CSMD3: variants seen among roughly 807,000 people sequenced by gnomAD.
CSMD3 encodes CUB and Sushi multiple domains 3.
In CSMD3, 177 loss-of-function variants were observed where a neutral mutation model predicts 435.2. That is an observed-to-expected ratio of 0.41 (90% CI 0.36 to 0.46). The LOEUF is 0.46. Ranked by LOEUF, CSMD3 falls within the 20% of genes least tolerant of loss-of-function variation. CSMD3 has a pLI of 0.34. For synonymous variants in CSMD3, 1,656 were observed against 1,520.5 expected (o/e 1.09, Z -2.07); for missense variants, 4,265 against 4,504.6 (o/e 0.95, Z 1.52).
At chr8:113,205,171 C>T (rs930819628) in intron 3 of CSMD3, among the ~76,000 whole-genome samples, 9 of 152,010 alleles carry the variant, frequency 5.9e-5, no homozygotes, top group African/African-American at 1.2e-4. Context: ...TTAGTAGAGA[C>T]GGGGTTTCAC....
At chr8:112,365,523 C>G (rs1025979277) in intron 38 of CSMD3, among the ~76,000 whole-genome samples, 10 of 119,202 alleles carry the variant, frequency 8.4e-5, no homozygotes, top group African/African-American at 3.2e-4. Context: ...CTTCTTATAA[C>G]ATGTTTGAAT....
intron 38 of CSMD3, among the ~76,000 whole-genome samples, chr8:112,357,929 C>T (rs191320223): frequency 6.2e-4 from 94 of 152,224 alleles, no homozygotes; most frequent in African/African-American, 2.1e-3. Context: ...GAAAAGAAGG[C>T]CACCATCCTC....
intron 11 of CSMD3, among the ~76,000 whole-genome samples, chr8:112,848,302 A>G (rs1024844429): frequency 2.0e-5 from 3 of 152,148 alleles, no homozygotes; most frequent in Non-Finnish European, 2.9e-5. Flanking sequence ...ATTTATTTAT[A>G]AAGCAGTACA....
intron 10 of CSMD3, among the ~76,000 whole-genome samples, chr8:112,897,690 C>CTGTG (rs1278209640): frequency 4.0e-5 from 5 of 125,090 alleles, no homozygotes; most frequent in African/African-American, 1.5e-4. Flanking sequence ...CTCTCTCTCT[C>CTGTG]TCTCTGTGTG....
At chr8:113,280,642 G>A (rs987337769) in intron 2 of CSMD3, among the ~76,000 whole-genome samples, 6 of 151,168 alleles carry the variant, frequency 4.0e-5, no homozygotes, top group Non-Finnish European at 7.4e-5. Context: ...AATTTTTTTT[G>A]TTTCAATTTC....
intron 4 of CSMD3, among the ~76,000 whole-genome samples, chr8:113,106,219 C>T (rs1156753765): frequency 6.6e-6 from 1 of 151,430 alleles, no homozygotes; most frequent in Non-Finnish European, 1.5e-5. Flanking sequence ...ACTATTTAGC[C>T]CTTTTCAGAA....
At chr8:112,548,714 G>C (rs1014492941) in intron 27 of CSMD3, among the ~76,000 whole-genome samples, 1 of 151,940 alleles carries the variant, frequency 6.6e-6, no homozygotes, top group Admixed American at 6.6e-5. Context: ...TTTCAAATCT[G>C]AACACTTGAA....
intron 1 of CSMD3, among the ~76,000 whole-genome samples, chr8:113,335,471 T>G (rs879842377): frequency 2.6e-5 from 4 of 151,226 alleles, no homozygotes; most frequent in Admixed American, 2.0e-4. Flanking sequence ...TTGTTTTGTT[T>G]TCAGATGTTC....
intron 50 of CSMD3, among the ~76,000 whole-genome samples, chr8:112,308,700 G>A (rs1222049593): frequency 2.0e-5 from 3 of 151,942 alleles, no homozygotes; most frequent in East Asian, 1.9e-4. Flanking sequence ...TTTTGAGGGG[G>A]GGATCAATAG....
chr8:113,034,045 C>T (rs1277788444), intron 5 of CSMD3, among the ~76,000 whole-genome samples: 1 of 151,470 alleles, frequency 6.6e-6, no homozygotes, highest in Non-Finnish European at 1.5e-5. Context: ...TCTATGTTTC[C>T]TGAGCCCCAT....
intron 32 of CSMD3, among the ~76,000 whole-genome samples, chr8:112,438,594 A>T (rs1814636758): frequency 6.6e-6 from 1 of 152,158 alleles, no homozygotes. Flanking sequence ...AAAAATAGTA[A>T]ACCAAGAGAA....
chr8:112,600,505 T>A (rs564899376), intron 22 of CSMD3, among the ~76,000 whole-genome samples: 12 of 152,298 alleles, frequency 7.9e-5, no homozygotes, highest in African/African-American at 2.6e-4. Context: ...TATATAAATA[T>A]TCCTTCCTCC....
intron 3 of CSMD3, among the ~76,000 whole-genome samples, chr8:113,252,256 C>T (rs1022869046): frequency 1.3e-5 from 2 of 151,972 alleles, no homozygotes; most frequent in African/African-American, 4.8e-5. Context: ...AAACTATAAA[C>T]CAATGTCTGG....
intron 3 of CSMD3, among the ~76,000 whole-genome samples, chr8:113,249,194 G>A (rs1366220424): frequency 6.6e-6 from 1 of 152,062 alleles, no homozygotes; most frequent in African/African-American, 2.4e-5. Context: ...AGCCATGACT[G>A]TGAGGCCTCC....
intron 10 of CSMD3, among the ~76,000 whole-genome samples, chr8:112,919,784 A>C (rs1178237715): frequency 1.3e-5 from 2 of 151,892 alleles, no homozygotes; most frequent in Non-Finnish European, 2.9e-5. Context: ...CTGCCATGAC[A>C]TTCATGAAAG....
At position 112,336,550 on chromosome 8, in the gene CSMD3, T is replaced by A. The variant is rs1482434344; in HGVS notation, c.7019+102A>T. Reference sequence around the variant, plus strand: ...TCAGTTACTCACATCAATTCAAATATCAGATGACAATTTGTAACAGAGGAT... The same window carrying A: ...TCAGTTACTCACATCAATTCAAATAACAGATGACAATTTGTAACAGAGGAT... On this transcript the variant is annotated intron_variant, in intron 44 of 70. Coordinates refer to ENST00000297405, the MANE Select transcript of CSMD3 (RefSeq NM_198123.2). 4.4e-6 allele frequency: 4 copies of A among 914,600 alleles called. No individual in the cohort carries two copies. The African/African-American group carries it at 4.9e-5, about 11-fold the overall frequency. The allele number at this position is 914,600 out of a possible 1,614,324, so 56.7% of individuals were successfully genotyped here.
intron 4 of CSMD3, among the ~76,000 whole-genome samples, chr8:113,108,145 T>C (rs527294040): frequency 1.3e-5 from 2 of 152,144 alleles, no homozygotes; most frequent in East Asian, 3.9e-4. Flanking sequence ...GAACAAGATA[T>C]GAGGCTGGGG....
chr8:112,737,047 G>A (rs1311288139), intron 13 of CSMD3, among the ~76,000 whole-genome samples: 1 of 151,864 alleles, frequency 6.6e-6, no homozygotes, highest in South Asian at 2.1e-4. Flanking sequence ...TAGAAAAGTT[G>A]AGGCAACCTT....
At chr8:112,343,015 A>ATATATATATTTT (rs1476160810) in intron 41 of CSMD3, among the ~76,000 whole-genome samples, 1 of 92,918 alleles carries the variant, frequency 1.1e-5, no homozygotes, top group African/African-American at 3.1e-5. Context: ...ATATATATAT[A>ATATATATATTTT]TTTATATATA....
Sources: allele counts gnomAD v4.1 joint callset (sites outside exome capture counted in the v4.1 genomes callset), GRCh38; gene constraint gnomAD v4.1.1; transcripts MANE v1.5; gene names NCBI Gene and HGNC (gene_info 2026-07-23, HGNC 2026-07-21).